Variants in ADAM32 observed in about 807,000 individuals in gnomAD.
The protein encoded by ADAM32 is disintegrin and metalloproteinase domain-containing protein 32.
In ADAM32, 89 loss-of-function variants were observed where a neutral mutation model predicts 114.9. That is an observed-to-expected ratio of 0.77 (90% CI 0.65 to 0.92). The LOEUF (loss-of-function observed/expected upper bound fraction) is 0.92, where lower values mean the gene tolerates loss of function less well. ADAM32 is among the 40% of genes least tolerant of loss of function. The probability of loss-of-function intolerance (pLI) is 0.00; values close to 1 mark genes in which losing one functional copy is unlikely to be tolerated. For missense variants in ADAM32, 870 were observed against 932.8 expected (o/e 0.93, Z 0.88); for synonymous variants, 285 against 307.5 (o/e 0.93, Z 0.77).
chr8:39,279,355 G>C (rs1813282013), intron 22 of ADAM32, among the ~76,000 whole-genome samples: 2 of 152,180 alleles, frequency 1.3e-5, no homozygotes, highest in Non-Finnish European at 2.9e-5. Flanking sequence ...CGCGAGCTCA[G>C]CTCACTGCAA....
chr8:39,198,570 G>C (rs1339984442), intron 11 of ADAM32, among the ~76,000 whole-genome samples: 3 of 152,088 alleles, frequency 2.0e-5, no homozygotes, highest in African/African-American at 7.2e-5. Flanking sequence ...TGGAGATGGG[G>C]TTTCACCATG....
chr8:39,151,597 A>G (rs761428292), intron 6 of ADAM32, 49 bp downstream of exon 6: 1 of 1,240,908 alleles, frequency 8.1e-7, no homozygotes, highest in South Asian at 1.9e-5. Context: ...TATTACTTCC[A>G]TTTAATTTAT....
intron 20 of ADAM32, among the ~76,000 whole-genome samples, chr8:39,273,020 TCA>T (rs1812830593): frequency 6.6e-6 from 1 of 152,002 alleles, no homozygotes; most frequent in Non-Finnish European, 1.5e-5. Context: ...ACAGCCAATA[TCA>T]CTGTCTTCCA....
At chr8:39,237,689 G>T (rs1174520114) in intron 16 of ADAM32, among the ~76,000 whole-genome samples, 1 of 146,712 alleles carries the variant, frequency 6.8e-6, no homozygotes, top group African/African-American at 2.5e-5. Flanking sequence ...ATTGACCTGA[G>T]AACCACCTCC....
intron 2 of ADAM32, among the ~76,000 whole-genome samples, chr8:39,127,017 G>A (rs555645830): frequency 4.7e-4 from 71 of 152,270 alleles, no homozygotes; most frequent in Middle Eastern, 6.8e-3. Context: ...TGGGGATGAA[G>A]CCTACTTGAT....
chr8:39,178,869 G>T (rs1177438604), intron 10 of ADAM32, among the ~76,000 whole-genome samples: 1 of 152,146 alleles, frequency 6.6e-6, no homozygotes, highest in African/African-American at 2.4e-5. Flanking sequence ...ACCAGTGAAG[G>T]CTAGGAAACA....
At chr8:39,181,298 C>G (rs147072441) in intron 10 of ADAM32, among the ~76,000 whole-genome samples, 1 of 152,152 alleles carries the variant, frequency 6.6e-6, no homozygotes, top group Non-Finnish European at 1.5e-5. Context: ...CCAGGAGGAA[C>G]GAACAACTCC....
intron 11 of ADAM32, among the ~76,000 whole-genome samples, chr8:39,203,710 C>A (rs976935772): frequency 1.3e-5 from 2 of 152,294 alleles, no homozygotes; most frequent in East Asian, 1.9e-4. Context: ...TTAGTTGATG[C>A]GGTTTCTTCC....
chr8:39,229,614 A>G (rs1452903528), intron 14 of ADAM32, among the ~76,000 whole-genome samples: 2 of 152,234 alleles, frequency 1.3e-5, no homozygotes, highest in Non-Finnish European at 2.9e-5. Context: ...GGGACATTAT[A>G]TAATGGTAAA....
chr8:39,143,936 C>A (rs529702114), intron 3 of ADAM32, among the ~76,000 whole-genome samples: 152 of 152,290 alleles, frequency 1.0e-3, no homozygotes, highest in African/African-American at 3.5e-3. Flanking sequence ...GGCAGATGAC[C>A]CTTCCCCCAA....
chr8:39,207,213 C>A (rs1807900809), intron 11 of ADAM32, among the ~76,000 whole-genome samples: 1 of 152,124 alleles, frequency 6.6e-6, no homozygotes, highest in Admixed American at 6.6e-5. Context: ...CCAATGAATT[C>A]CAGTGCTTGC....
intron 10 of ADAM32, among the ~76,000 whole-genome samples, chr8:39,170,405 A>T (rs907086304): frequency 2.0e-5 from 3 of 152,134 alleles, no homozygotes; most frequent in Admixed American, 2.0e-4. Flanking sequence ...CAGAACTCTG[A>T]AAGACAGTAA....
chr8:39,236,479 A>T (rs562887110), intron 16 of ADAM32, among the ~76,000 whole-genome samples: 6 of 152,288 alleles, frequency 3.9e-5, no homozygotes, highest in Admixed American at 3.9e-4. Flanking sequence ...CATTAAAAAA[A>T]TTATTTTAAA....
chr8:39,180,305 C>T (rs1805779512), intron 10 of ADAM32, among the ~76,000 whole-genome samples: 1 of 152,224 alleles, frequency 6.6e-6, no homozygotes, highest in African/African-American at 2.4e-5. Flanking sequence ...AGTGCCAGCC[C>T]ACGGGTGCTG....
At chr8:39,165,633 T>A (rs1016799929) in intron 9 of ADAM32, 2 of 152,404 alleles carry the variant, frequency 1.3e-5, no homozygotes, top group African/African-American at 4.8e-5. Context: ...TGAGTAATTT[T>A]AAAATGTTAG....
chr8:39,275,934 A>T, intron 22 of ADAM32, 68 bp downstream of exon 22: 6 of 1,371,074 alleles, frequency 4.4e-6, no homozygotes, highest in Non-Finnish European at 4.0e-6. Flanking sequence ...GAACAAATTG[A>T]TAATTAACAA....
At chr8:39,246,062 T>C in intron 16 of ADAM32, 21 bp from the exon 17 acceptor site, 1 of 1,606,910 alleles carries the variant, frequency 6.2e-7, no homozygotes, top group Non-Finnish European at 8.5e-7. Context: ...GGGAACTTTT[T>C]TTGTATGTGT....
At chr8:39,214,274 T>C (rs1808419898) in intron 12 of ADAM32, among the ~76,000 whole-genome samples, 1 of 152,258 alleles carries the variant, frequency 6.6e-6, no homozygotes, top group East Asian at 1.9e-4. Flanking sequence ...CTGTTATACA[T>C]AGTGATTGTA....
At chr8:39,271,258 G>A (rs1296861697) in intron 20 of ADAM32, among the ~76,000 whole-genome samples, 1 of 152,172 alleles carries the variant, frequency 6.6e-6, no homozygotes, top group Non-Finnish European at 1.5e-5. Context: ...TTTGGTAAAT[G>A]ATAAACCACA....
Sources: allele counts gnomAD v4.1 joint callset (sites outside exome capture counted in the v4.1 genomes callset), GRCh38; gene constraint gnomAD v4.1.1; transcripts MANE v1.5; gene names NCBI Gene and HGNC (gene_info 2026-07-23, HGNC 2026-07-21).